The following ZMIZ2 variants were observed in gnomAD, a reference collection of about 807,000 sequenced individuals.
ZMIZ2 encodes the protein zinc finger MIZ-type containing 2, also known as zinc finger MIZ domain-containing protein 2.
A neutral mutation model predicts 93.9 loss-of-function variants in ZMIZ2; 26 were observed. That is an observed-to-expected ratio of 0.28 (90% CI 0.20 to 0.38). The LOEUF is 0.38. Among genes scored for constraint, ZMIZ2 ranks in the 10% least tolerant of loss-of-function variants. The probability of loss-of-function intolerance (pLI) is 1.00; values close to 1 mark genes in which losing one functional copy is unlikely to be tolerated. For synonymous variants in ZMIZ2, 485 were observed against 516.4 expected (o/e 0.94, Z 0.82); for missense variants, 1,023 against 1,235.0 (o/e 0.83, Z 2.57).
intron 1 of ZMIZ2, among the ~76,000 whole-genome samples, chr7:44,753,485 GTCC>G (rs943857834): frequency 1.7e-4 from 26 of 152,240 alleles, no homozygotes; most frequent in African/African-American, 5.5e-4. Flanking sequence ...GGCTCAAGCA[GTCC>G]TCCTGCCTCG....
At position 44,759,084 on chromosome 7, in the gene ZMIZ2, TAAAAA is replaced by T. The variant is rs71563954; in HGVS notation, c.814-178_814-174del. On this transcript the variant is annotated intron_variant, in intron 6 of 18. Transcript: ENST00000309315. Reference sequence around the variant, plus strand: ...GCAACAGAGTGAGACTGTCTCAAATTAAAAAAAAAAAAAAAAAAAAAAACAGGCTT... The same window carrying T: ...GCAACAGAGTGAGACTGTCTCAAATTAAAAAAAAAAAAAAAAAACAGGCTT... Among the ~76,000 whole-genome samples the T allele has an allele frequency of 4.1e-5, 4 of 97,500 alleles. No individual in the cohort carries two copies. In the East Asian group the frequency reaches 9.4e-4, roughly 23 times the overall value. The allele number at this position is 97,500 out of a possible 152,430, so 64.0% of individuals were successfully genotyped here.
intron 11 of ZMIZ2, 131 bp from the exon 12 acceptor site, chr7:44,762,750 T>G: frequency 9.6e-6 from 4 of 414,528 alleles, no homozygotes; most frequent in East Asian, 4.4e-5. Context: ...CACCCCCAGC[T>G]CACCCTGCCC....
rs776822412 is a variant in ZMIZ2, at chr7:44,763,263, G to C, written c.1710G>C (p.Arg570=). The part of the protein sequence containing the change: ...PAEHCITKIK[R]NFSSGTIPGT... ...TTACCTTGTTGATGTCAGTAAAGCG[G>C]AACTTCAGCAGCGGCACCATCCCTG... Residue 570 remains arginine, a synonymous_variant, in exon 13 of 19, where the codon CGG becomes CGC. Transcript: ENST00000309315. This position sits in a 1 kb window ranked among gnomAD's most constrained non-coding sequence, Gnocchi z 5.6. The C allele has an allele frequency of 2.5e-6, 4 of 1,613,954 alleles. No individual in the cohort carries two copies. The highest frequency in any genetic ancestry group is 1.7e-5 in the Admixed American group (1 of 60,004).
At chr7:44,748,844 T>A (rs1789859169), upstream of ZMIZ2, 2 of 148,864 alleles carry the variant, frequency 1.3e-5, no homozygotes, top group Non-Finnish European at 3.0e-5. Context: ...CGGCGGCGGC[T>A]CCATTGTGCC....
intron 1 of ZMIZ2, among the ~76,000 whole-genome samples, chr7:44,752,793 T>C (rs1790269476): frequency 6.6e-6 from 1 of 152,246 alleles, no homozygotes. Context: ...CCATAGCTCT[T>C]GCAAATAAAG....
chr7:44,756,151 G>C (rs1240946237), intron 1 of ZMIZ2, 37 bp from the exon 2 acceptor site: 13 of 1,558,058 alleles, frequency 8.3e-6, no homozygotes, highest in Admixed American at 1.7e-5. Context: ...TCTCCTGGCT[G>C]CATCGCAGCT....
rs756422623 is a variant in ZMIZ2 at position 44,762,877 on chromosome 7, G to A, written c.1597-4G>A. On this transcript the variant is annotated splice_region_variant and splice_polypyrimidine_tract_variant and intron_variant, in intron 11 of 18. Coordinates refer to ENST00000309315, the MANE Select transcript of ZMIZ2 (RefSeq NM_031449.4). Reference sequence around the variant, plus strand: ...CCTGATGACATCCTCCCGTTGTATTGCAGTCCCACCTCTTCGTGCTGCAGC... The same window carrying A: ...CCTGATGACATCCTCCCGTTGTATTACAGTCCCACCTCTTCGTGCTGCAGC... 6.2e-7 allele frequency: 1 copy of A among 1,600,330 alleles called. No homozygotes were observed. Among genetic ancestry groups the A allele is most frequent in the Non-Finnish European group, 8.5e-7 (1 of 1,171,088 alleles).
At chr7:44,751,028 T>A (rs1790096394) in intron 1 of ZMIZ2, 1 of 152,094 alleles carries the variant, frequency 6.6e-6, no homozygotes, top group South Asian at 2.1e-4. Flanking sequence ...AGAGAGACTG[T>A]CCTCAGAGAG....
rs1007272881 is a variant in ZMIZ2 at position 44,766,025 on chromosome 7, G to A, written c.2243-139G>A. On this transcript the variant is annotated intron_variant, in intron 16 of 18. Transcript: ENST00000309315. The surrounding 1 kb of genome is among the most constrained non-coding windows in gnomAD (Gnocchi z 4.4). ...GAGAAGAAATGCCCTTTTCCAAATA[G>A]CGACTTCTGCAAAACCCGCTGTTGT... 8 of 1,434,164 alleles carry A rather than the reference G, an allele frequency of 5.6e-6. No homozygotes were observed. Among genetic ancestry groups the A allele is most frequent in the Admixed American group, 3.0e-5 (1 of 33,198 alleles). The allele number at this position is 1,434,164 out of a possible 1,614,324, so 88.8% of individuals were successfully genotyped here. A position where few individuals can be genotyped will look rare whatever the true frequency, so the allele number is the denominator to read the frequency against.
In ZMIZ2 at chr7:44,757,075, C is replaced by T. The variant is rs766687825; in HGVS notation, c.294C>T (p.Gly98=). 17 of 1,606,924 alleles carry T rather than the reference C, an allele frequency of 1.1e-5. No homozygotes were observed. In the Admixed American group the frequency reaches 1.2e-4, roughly 11 times the overall value. The change falls in exon 4 of 19, where the codon GGC becomes GGT. Residue 98 remains glycine, a synonymous_variant. Transcript: ENST00000309315. ...CLGQQAFAEG[G]ANKGYVQQGV... ...GACAGCAGGCGTTTGCTGAAGGCGGCGCCAACAAGGGCTACGTGCAGCAAG... is the reference window on the plus strand; with the variant it reads ...GACAGCAGGCGTTTGCTGAAGGCGGTGCCAACAAGGGCTACGTGCAGCAAG...
chr7:44,749,271 C>G (rs1403703732), intron 1 of ZMIZ2, among the ~76,000 whole-genome samples: 2 of 152,196 alleles, frequency 1.3e-5, no homozygotes, highest in Admixed American at 6.5e-5. Flanking sequence ...TCCAGCCCTC[C>G]CCTGAGTCTT....
At chr7:44,760,621 G>A in intron 9 of ZMIZ2, 28 bp downstream of exon 9, 1 of 1,612,224 alleles carries the variant, frequency 6.2e-7, no homozygotes, top group Non-Finnish European at 8.5e-7. Context: ...TGGGACAGCG[G>A]GGTGACAAGG....
chr7:44,759,232 C>T (rs199824542), intron 6 of ZMIZ2, 49 bp from the exon 7 acceptor site: 4 of 1,436,290 alleles, frequency 2.8e-6, no homozygotes, highest in Non-Finnish European at 3.7e-6. Context: ...CTGGAACCAG[C>T]TCCCCTGATG....
chr7:44,762,373 G>A (rs1791287712), intron 11 of ZMIZ2, among the ~76,000 whole-genome samples: 1 of 152,224 alleles, frequency 6.6e-6, no homozygotes, highest in East Asian at 1.9e-4. Flanking sequence ...GGCTGATCAA[G>A]CATTACCGGT....
intron 6 of ZMIZ2, 51 bp downstream of exon 6, chr7:44,758,159 C>G (rs766950255): frequency 6.7e-7 from 1 of 1,493,168 alleles, no homozygotes; most frequent in East Asian, 2.4e-5. Flanking sequence ...ACTCCCTCAC[C>G]CAGGCACTCT....
In ZMIZ2 at chr7:44,759,373, C is replaced by A; in HGVS notation, c.906C>A (p.Ser302=). The A allele has an allele frequency of 6.2e-7, 1 of 1,605,284 alleles. No homozygotes were observed. The highest frequency in any genetic ancestry group is 8.5e-7 in the Non-Finnish European group (1 of 1,176,194). The change falls in exon 7 of 19, where the codon TCC becomes TCA. Residue 302 remains serine, a synonymous_variant. Coordinates refer to ENST00000309315, the MANE Select transcript of ZMIZ2 (RefSeq NM_031449.4). ...APSPGQPPAP[S]PSYPGHRLPL... ...GCCCTGGGCAGCCCCCTGCCCCCTCCCCTTCCTACCCTGGGCACAGGCTGC... is the reference window on the plus strand; with the variant it reads ...GCCCTGGGCAGCCCCCTGCCCCCTCACCTTCCTACCCTGGGCACAGGCTGC...
chr7:44,763,185 G>A lies in ZMIZ2; in HGVS notation c.1703-71G>A, dbSNP rs761703883. On this transcript the variant is annotated intron_variant, in intron 12 of 18. Transcript: ENST00000309315. This position sits in a 1 kb window ranked among gnomAD's most constrained non-coding sequence, Gnocchi z 5.6. ...GGGTCAGTGACTGGGTCCCTGCCTCGTTGGCATCCCCATTCACACCTCCCC... is the reference window on the plus strand; with the variant it reads ...GGGTCAGTGACTGGGTCCCTGCCTCATTGGCATCCCCATTCACACCTCCCC... 109 of 1,576,028 alleles carry A rather than the reference G, an allele frequency of 6.9e-5. No homozygotes were observed. Among genetic ancestry groups the A allele is most frequent in the Non-Finnish European group, 9.0e-5 (104 of 1,156,640 alleles).
In ZMIZ2 at chr7:44,766,927, C is replaced by A. The variant is rs1199533003; in HGVS notation, c.2655+264C>A. Among the ~76,000 whole-genome samples the A allele has an allele frequency of 2.0e-5, 3 of 152,152 alleles. No individual in the cohort carries two copies. The highest frequency in any genetic ancestry group is 2.0e-4 in the Admixed American group (3 of 15,272). ...CAGAGGAGACTGCACTGGAAGCTGA[C>A]AGCACGGTCCTTAGAGTCAAATTTC... On this transcript the variant is annotated intron_variant, in intron 18 of 18. Transcript: ENST00000309315. This position sits in a 1 kb window ranked among gnomAD's most constrained non-coding sequence, Gnocchi z 4.4.
At position 44,762,554 on chromosome 7, in the gene ZMIZ2, CAGGGGGAACGTTCA is replaced by C. The variant is rs1339127893; in HGVS notation, c.1597-321_1597-308del. Among the ~76,000 whole-genome samples the C allele has an allele frequency of 3.3e-5, 5 of 152,184 alleles. No individual in the cohort carries two copies. The East Asian group carries it at 9.6e-4, about 29-fold the overall frequency. On this transcript the variant is annotated intron_variant, in intron 11 of 18. Transcript: ENST00000309315. ...GCATCTGTGACTGTGGATGTGCGAGCAGGGGGAACGTTCAAGGGGACTTGAGGTGATTCTCTTCA... is the reference window on the plus strand; with the variant it reads ...GCATCTGTGACTGTGGATGTGCGAGCAGGGGACTTGAGGTGATTCTCTTCA...
Sources: allele counts gnomAD v4.1 joint callset (sites outside exome capture counted in the v4.1 genomes callset), GRCh38; gene constraint gnomAD v4.1.1; non-coding constraint Gnocchi (gnomAD v3.1); transcripts MANE v1.5; gene names NCBI Gene and HGNC (gene_info 2026-07-23, HGNC 2026-07-21).